ADAMTS8: variants seen among roughly 807,000 people sequenced by gnomAD.
The protein encoded by ADAMTS8 is ADAM metallopeptidase with thrombospondin type 1 motif 8.
A neutral mutation model predicts 64.4 loss-of-function variants in ADAMTS8; 50 were observed. The ratio of observed to expected loss-of-function variants is 0.78; its 90% CI spans 0.62 to 0.98. ADAMTS8 has a LOEUF of 0.98. Ranked by LOEUF, ADAMTS8 falls within the 50% of genes least tolerant of loss-of-function variation. The probability of loss-of-function intolerance (pLI) is 0.00; values close to 1 mark genes in which losing one functional copy is unlikely to be tolerated. For synonymous variants in ADAMTS8, 556 were observed against 533.6 expected (o/e 1.04, Z -0.58); for missense variants, 1,192 against 1,208.2 (o/e 0.99, Z 0.20).
chr11:130,409,746 C>T (rs979534927), intron 6 of ADAMTS8, among the ~76,000 whole-genome samples: 1 of 152,240 alleles, frequency 6.6e-6, no homozygotes, highest in South Asian at 2.1e-4. Flanking sequence ...ACCAACCCAT[C>T]TGAAGTTAGA....
At chr11:130,414,452 G>A (rs775983618) in intron 5 of ADAMTS8, 79 bp downstream of exon 5, 6 of 1,484,636 alleles carry the variant, frequency 4.0e-6, no homozygotes, top group Admixed American at 2.3e-5. Flanking sequence ...GTTTCCTTCT[G>A]GAGAACAGCC....
chr11:130,414,487 T>A lies in ADAMTS8; in HGVS notation c.1566+44A>T, dbSNP rs375166617. 85 of 1,535,266 alleles carry A rather than the reference T, an allele frequency of 5.5e-5. No individual in the cohort carries two copies. The African/African-American group carries it at 1.2e-3, about 21-fold the overall frequency. On this transcript the variant is annotated intron_variant, in intron 5 of 8. Coordinates refer to ENST00000257359, the MANE Select transcript of ADAMTS8 (RefSeq NM_007037.6). ...CCTCAGTCCTCCCCATTTCCTTTTG[T>A]TTCTCCTTTCCCCTCCCCGCTATCC...
At chr11:130,410,184 C>T (rs981444317) in intron 6 of ADAMTS8, among the ~76,000 whole-genome samples, 10 of 152,148 alleles carry the variant, frequency 6.6e-5, no homozygotes, top group East Asian at 1.9e-4. Context: ...TTCCTTTCTC[C>T]GAGCGCCTCA....
At chr11:130,407,528 C>T (rs1861899485) in intron 8 of ADAMTS8, among the ~76,000 whole-genome samples, 1 of 152,096 alleles carries the variant, frequency 6.6e-6, no homozygotes, top group African/African-American at 2.4e-5. Flanking sequence ...GCGAGCTTCA[C>T]TAGGTAGAAT....
chr11:130,425,603 C>CTTTTTTT (rs113283111), intron 1 of ADAMTS8, among the ~76,000 whole-genome samples: 1 of 138,746 alleles, frequency 7.2e-6, no homozygotes, highest in African/African-American at 2.7e-5. Context: ...TTTCTTTTTT[C>CTTTTTTT]TTTTTTTTTT....
chr11:130,422,503 G>GGGGGAGGT (rs1862113672), intron 1 of ADAMTS8, among the ~76,000 whole-genome samples: 1 of 152,244 alleles, frequency 6.6e-6, no homozygotes, highest in African/African-American at 2.4e-5. Context: ...GGCGCGCCTG[G>GGGGGAGGT]GGGGAGGTCA....
At position 130,405,562 on chromosome 11, in the gene ADAMTS8, A is replaced by AG. The variant is rs1861866678; in HGVS notation, c.2665dup (p.Leu889ProfsTer28). 6.3e-7 allele frequency: 1 copy of AG among 1,596,758 alleles called. No homozygotes were observed. Among genetic ancestry groups the AG allele is most frequent in the South Asian group, 1.1e-5 (1 of 89,052 alleles). On this transcript the variant is annotated frameshift_variant, in exon 9 of 9. Transcript: ENST00000257359. LOFTEE classifies it high-confidence loss of function. ...ACTGGCCCCTGCCCCCCTGAATCACAGGGGGCACAGCTGGCTTTCGCAGGG... is the reference window on the plus strand; with the variant it reads ...ACTGGCCCCTGCCCCCCTGAATCACAGGGGGGCACAGCTGGCTTTCGCAGGG...
intron 1 of ADAMTS8, among the ~76,000 whole-genome samples, chr11:130,421,432 G>A (rs750826458): frequency 3.9e-5 from 6 of 152,166 alleles, no homozygotes; most frequent in African/African-American, 7.2e-5. Context: ...AGGCAGGGCC[G>A]GCTTCAGAGC....
Position 130,428,081 on chromosome 11 carries a change from G to C in ADAMTS8, c.206C>G (p.Ala69Gly). The C allele has an allele frequency of 6.5e-7, 1 of 1,538,350 alleles. No homozygotes were observed. Residue 69 changes from alanine to glycine, a missense_variant, in exon 1 of 9, where the codon GCG becomes GGG. Ala to Gly is a moderately conservative substitution (Grantham distance 60). This residue lies in a region of ADAMTS8 where 741 missense variants were observed against 710.6 expected (regional missense o/e 1.04). Transcript: ENST00000257359. ...GGGCGCTAGGAAGCTGTCGTCGGGC[G>C]CCAGGCGCAGCACGAAGCCCTTGCC... is the stretch of plus-strand genomic sequence containing the variant. Reference protein sequence around the residue: ...AFGKGFVLRLAPDDSFLAPEF... With the variant: ...AFGKGFVLRLGPDDSFLAPEF...
At chr11:130,422,241 C>G (rs1270568459) in intron 1 of ADAMTS8, among the ~76,000 whole-genome samples, 1 of 151,918 alleles carries the variant, frequency 6.6e-6, no homozygotes, top group African/African-American at 2.4e-5. Context: ...GCCTGGGAAA[C>G]ATAGTGAGAT....
intron 8 of ADAMTS8, among the ~76,000 whole-genome samples, chr11:130,407,811 G>T (rs1309525692): frequency 6.6e-6 from 1 of 152,140 alleles, no homozygotes; most frequent in Non-Finnish European, 1.5e-5. Context: ...ATCTTTCTGT[G>T]CCTTAATTTC....
chr11:130,412,348 G>A lies in ADAMTS8; in HGVS notation c.1567-748C>T, dbSNP rs537132059. ...TGTGCCTCGGCCTCCCGAATAACTG[G>A]GATTACAGGTGCACACCTCCACGCC... On this transcript the variant is annotated intron_variant, in intron 5 of 8. Transcript: ENST00000257359. Among the ~76,000 whole-genome samples the A allele has an allele frequency of 2.6e-5, 4 of 152,238 alleles. No individual in the cohort carries two copies. In the East Asian group the frequency reaches 7.7e-4, roughly 29 times the overall value.
chr11:130,417,250 T>C (rs1165200764), intron 2 of ADAMTS8, among the ~76,000 whole-genome samples, 175 bp from the exon 3 acceptor site: 2 of 143,636 alleles, frequency 1.4e-5, no homozygotes, highest in Non-Finnish European at 3.0e-5. Context: ...TTAAATTAAA[T>C]TATTATTATT....
Position 130,414,756 on chromosome 11 carries a change from C to G in ADAMTS8, c.1341G>C (p.Gln447His). ...TGLPGRMALY[Q>H]LDQQCRQIFG... Reference sequence around the variant, plus strand: ...AGATCTGCCTGCACTGCTGGTCCAGCTGGTACAGGGCCATGCGGCCCGGGA... The same window carrying G: ...AGATCTGCCTGCACTGCTGGTCCAGGTGGTACAGGGCCATGCGGCCCGGGA... Residue 447 changes from glutamine (Q) to histidine (H), a missense_variant, in exon 5 of 9, where the codon CAG becomes CAC. Transcript: ENST00000257359. 6.2e-7 allele frequency: 1 copy of G among 1,613,532 alleles called. No homozygotes were observed. Among genetic ancestry groups the G allele is most frequent in the Non-Finnish European group, 8.5e-7 (1 of 1,180,038 alleles).
In ADAMTS8 at chr11:130,405,666, C is replaced by T; in HGVS notation, c.2562G>A (p.Arg854=). ...AGGGGTCCCTGCACTCTACAGTTCG[C>T]CTCTGCCAGCCGGCCCCGCAGGTGC... The part of the protein sequence containing the change: ...CSSTCGAGWQ[R]RTVECRDPSG... Residue 854 remains arginine (R), a synonymous_variant, in exon 9 of 9, where the codon AGG becomes AGA. Coordinates refer to ENST00000257359, the MANE Select transcript of ADAMTS8 (RefSeq NM_007037.6). The T allele has an allele frequency of 6.2e-7, 1 of 1,614,084 alleles. No individual in the cohort carries two copies. Among genetic ancestry groups the T allele is most frequent in the Non-Finnish European group, 8.5e-7 (1 of 1,179,974 alleles).
chr11:130,422,993 G>A (rs1263440286), intron 1 of ADAMTS8, among the ~76,000 whole-genome samples: 1 of 152,242 alleles, frequency 6.6e-6, no homozygotes, highest in Non-Finnish European at 1.5e-5. Flanking sequence ...TAGGACATTG[G>A]TATAACTGCT....
chr11:130,413,489 G>A (rs1279334996), intron 5 of ADAMTS8, among the ~76,000 whole-genome samples: 1 of 152,170 alleles, frequency 6.6e-6, no homozygotes, highest in African/African-American at 2.4e-5. Flanking sequence ...GCGCTGGCGG[G>A]GACCGGGCTG....
Position 130,427,563 on chromosome 11 carries a change from C to G in ADAMTS8, c.720+4G>C, listed in dbSNP as rs1174081422. 1 of 1,536,288 alleles carries G rather than the reference C, an allele frequency of 6.5e-7. No individual in the cohort carries two copies. The highest frequency in any genetic ancestry group is 1.2e-5 in the South Asian group (1 of 83,938). ...CGGCGGCTGGAGGAGGCTCTCAGTC[C>G]TACCTGCAGGTCGGCCCCGTAGAAG... On this transcript the variant is annotated splice_donor_region_variant and intron_variant, in intron 1 of 8. Transcript: ENST00000257359.
chr11:130,419,857 C>T (rs1433287011), intron 1 of ADAMTS8, among the ~76,000 whole-genome samples: 1 of 152,176 alleles, frequency 6.6e-6, no homozygotes, highest in Non-Finnish European at 1.5e-5. Context: ...GAACATTTTC[C>T]TGTTGTCTAT....
Sources: gnomAD v4.1 joint callset for allele counts (sites outside exome capture counted in the v4.1 genomes callset) on GRCh38, gnomAD v4.1.1 for gene constraint, gnomAD v4.1.1 regional missense constraint, MANE v1.5 for transcripts, NCBI Gene and HGNC (gene_info 2026-07-23, HGNC 2026-07-21) for gene names.